Variants in NTNG1 observed in about 807,000 individuals in gnomAD.
NTNG1 encodes the protein netrin-G1.
Under a neutral mutation model 54.0 loss-of-function variants are expected in NTNG1, and 16 were observed. The observed-to-expected ratio is 0.30, with a 90% confidence interval of 0.20 to 0.45. The LOEUF (loss-of-function observed/expected upper bound fraction) is 0.45, where lower values mean the gene tolerates loss of function less well. Among genes scored for constraint, NTNG1 ranks in the 20% least tolerant of loss-of-function variants. The probability of loss-of-function intolerance (pLI) is 1.00; values close to 1 mark genes in which losing one functional copy is unlikely to be tolerated. For synonymous variants in NTNG1, 255 were observed against 263.1 expected, an observed-to-expected ratio of 0.97 and a Z score of 0.30; for missense variants, 530 against 678.7, an observed-to-expected ratio of 0.78 and a Z score of 2.43.
intron 2 of NTNG1, among the ~76,000 whole-genome samples, chr1:107,273,263 A>G (rs1194160962): frequency 6.6e-6 from 1 of 152,166 alleles, no homozygotes; most frequent in Admixed American, 6.5e-5. Context: ...GCAGTGGAGA[A>G]TGTATAGAAC....
rs562297798 is a variant in NTNG1, at chr1:107,364,979, C to A, written c.888-30175C>A. Among the ~76,000 whole-genome samples, 246 of 152,246 alleles carry A rather than the reference C, an allele frequency of 1.6e-3. 2 individuals are homozygous for A. The highest frequency in any genetic ancestry group is 6.8e-3 in the Middle Eastern group (2 of 294). ...GAAACAAAATAATTTATATGATGCACAGTCATGTATTCATTTTAATGAGTA... is the reference window on the plus strand; with the variant it reads ...GAAACAAAATAATTTATATGATGCAAAGTCATGTATTCATTTTAATGAGTA... On this transcript the variant is annotated intron_variant, in intron 3 of 7. Transcript: ENST00000370068.
chr1:107,448,855 C>T (rs917587962), intron 7 of NTNG1, among the ~76,000 whole-genome samples: 2 of 151,888 alleles, frequency 1.3e-5, no homozygotes, highest in Non-Finnish European at 2.9e-5. Context: ...TTTCTTTCAT[C>T]CCTACAATTT....
intron 1 of NTNG1, among the ~76,000 whole-genome samples, chr1:107,143,634 G>T (rs1452673980): frequency 6.6e-6 from 1 of 152,116 alleles, no homozygotes; most frequent in Non-Finnish European, 1.5e-5. Flanking sequence ...AGGTTAGTAT[G>T]AGATTTAGCA....
intron 7 of NTNG1, among the ~76,000 whole-genome samples, chr1:107,463,720 A>T (rs1056964449): frequency 6.6e-6 from 1 of 152,004 alleles, no homozygotes; most frequent in Admixed American, 6.5e-5. Context: ...ATTTTTTTTC[A>T]GTTTACTCAC....
At chr1:107,271,212 A>T (rs552166201) in intron 2 of NTNG1, among the ~76,000 whole-genome samples, 23 of 152,228 alleles carry the variant, frequency 1.5e-4, no homozygotes, top group African/African-American at 5.3e-4. Flanking sequence ...TTTTTTTATT[A>T]TTATACTCTA....
At chr1:107,272,783 G>C (rs1398793375) in intron 2 of NTNG1, among the ~76,000 whole-genome samples, 1 of 152,180 alleles carries the variant, frequency 6.6e-6, no homozygotes, top group Non-Finnish European at 1.5e-5. Flanking sequence ...TAAAAATGAT[G>C]TAATGTATAC....
rs71098633 is a variant in NTNG1 at position 107,482,055 on chromosome 1, C to CAAAAAAAAAAAAAAAAAAAAAAAAAAAAA, written c.*1242_*1243insAAAAAAAAAAAAAAAAAAAAAAAAAAAAA. Reference sequence around the variant, plus strand: ...TTCCACTTGGGAAAAATTACAACAGCAAAAAAAAAAAAAAAAAAAAAAAAA... The same window carrying CAAAAAAAAAAAAAAAAAAAAAAAAAAAAA: ...TTCCACTTGGGAAAAATTACAACAGCAAAAAAAAAAAAAAAAAAAAAAAAAAAAAAAAAAAAAAAAAAAAAAAAAAAAAA... On this transcript the variant is annotated 3_prime_UTR_variant, in exon 8 of 8. Coordinates refer to ENST00000370068, the MANE Select transcript of NTNG1 (RefSeq NM_001113226.3). 10 of 114,462 alleles carry CAAAAAAAAAAAAAAAAAAAAAAAAAAAAA rather than the reference C, an allele frequency of 8.7e-5. No individual in the cohort carries two copies. The highest frequency in any genetic ancestry group is 1.4e-4 in the Non-Finnish European group (8 of 55,494). The allele number at this position is 114,462 out of a possible 1,614,324, so 7.1% of individuals were successfully genotyped here.
At chr1:107,292,539 C>T (rs1471897903) in intron 2 of NTNG1, among the ~76,000 whole-genome samples, 1 of 152,078 alleles carries the variant, frequency 6.6e-6, no homozygotes, top group Non-Finnish European at 1.5e-5. Context: ...AGGCAGTCTC[C>T]CCCAAAATAG....
At chr1:107,338,118 A>G (rs1668694197) in intron 3 of NTNG1, among the ~76,000 whole-genome samples, 1 of 151,980 alleles carries the variant, frequency 6.6e-6, no homozygotes, top group Non-Finnish European at 1.5e-5. Context: ...GACTTAAAAG[A>G]GTGTGTTACC....
At chr1:107,453,157 A>G (rs993684186) in intron 7 of NTNG1, among the ~76,000 whole-genome samples, 3 of 152,116 alleles carry the variant, frequency 2.0e-5, no homozygotes, top group African/African-American at 7.2e-5. Flanking sequence ...GAAAGAAAGA[A>G]TTTTCTCTTG....
chr1:107,414,943 A>G (rs1310437842), intron 5 of NTNG1, among the ~76,000 whole-genome samples: 1 of 152,138 alleles, frequency 6.6e-6, no homozygotes, highest in East Asian at 1.9e-4. Context: ...TAAATAGATT[A>G]TTTTCTAGGC....
At chr1:107,297,216 CATATATATATATAT>C (rs755223720) in intron 2 of NTNG1, among the ~76,000 whole-genome samples, 3,431 of 15,420 alleles carry the variant, frequency 0.22, 112 homozygotes, top group Non-Finnish European at 0.35. Flanking sequence ...TATATACCAT[CATATATATATATAT>C]ATATATATAT....
At chr1:107,376,282 C>T (rs559761514) in intron 3 of NTNG1, among the ~76,000 whole-genome samples, 2,061 of 152,196 alleles carry the variant, frequency 0.014, 29 homozygotes, top group African/African-American at 0.038. Flanking sequence ...GTGGCGGGCG[C>T]CTGTAGTCCC....
At chr1:107,409,904 T>G (rs1259386262) in intron 5 of NTNG1, 1 of 152,178 alleles carries the variant, frequency 6.6e-6, no homozygotes, top group Non-Finnish European at 1.5e-5. Context: ...CTTTGTGGGC[T>G]TATAAGTTGC....
chr1:107,357,579 G>A (rs543239020), intron 3 of NTNG1, among the ~76,000 whole-genome samples: 6 of 152,276 alleles, frequency 3.9e-5, no homozygotes, highest in African/African-American at 1.2e-4. Flanking sequence ...AGAAATAGTT[G>A]AGAAATGGCC....
At chr1:107,318,348 AC>A (rs1667453378) in intron 2 of NTNG1, among the ~76,000 whole-genome samples, 1 of 152,002 alleles carries the variant, frequency 6.6e-6, no homozygotes, top group African/African-American at 2.4e-5. Flanking sequence ...TATTCAAAGA[AC>A]CCTTATTTTA....
At chr1:107,226,721 C>T (rs979630283) in intron 2 of NTNG1, among the ~76,000 whole-genome samples, 6 of 152,122 alleles carry the variant, frequency 3.9e-5, no homozygotes, top group African/African-American at 1.2e-4. Flanking sequence ...GAAGGATTCC[C>T]TCAGTTATTA....
At chr1:107,462,889 G>T (rs1039625818) in intron 7 of NTNG1, among the ~76,000 whole-genome samples, 1 of 152,190 alleles carries the variant, frequency 6.6e-6, no homozygotes, top group Non-Finnish European at 1.5e-5. Flanking sequence ...AAGGCTCAGG[G>T]AGGTCACTTG....
intron 1 of NTNG1, among the ~76,000 whole-genome samples, chr1:107,145,360 GAAGTT>G (rs1193494576): frequency 6.6e-6 from 1 of 151,968 alleles, no homozygotes; most frequent in African/African-American, 2.4e-5. Context: ...TTACTAATTT[GAAGTT>G]AAGAGGATTT....
Sources: gnomAD v4.1 joint callset for allele counts (sites outside exome capture counted in the v4.1 genomes callset) on GRCh38, gnomAD v4.1.1 for gene constraint, MANE v1.5 for transcripts, NCBI Gene and HGNC (gene_info 2026-07-23, HGNC 2026-07-21) for gene names.